Variants in CHCHD6 observed in about 807,000 individuals in gnomAD.
CHCHD6 encodes MICOS complex subunit MIC25.
A neutral mutation model predicts 32.3 loss-of-function variants in CHCHD6; 28 were observed. That is an observed-to-expected ratio of 0.87 (90% CI 0.64 to 1.19). The LOEUF is 1.19. CHCHD6 is among the 50% of genes most tolerant of loss of function. The pLI, the probability that CHCHD6 is intolerant of heterozygous loss-of-function variation, is 0.00. For missense variants in CHCHD6, 333 were observed against 307.0 expected (o/e 1.08, Z -0.63); for synonymous variants, 122 against 117.5 (o/e 1.04, Z -0.25).
intron 5 of CHCHD6, among the ~76,000 whole-genome samples, chr3:126,904,190 C>T (rs1396817000): frequency 6.6e-6 from 1 of 152,186 alleles, no homozygotes; most frequent in African/African-American, 2.4e-5. Flanking sequence ...TACAGAGCTG[C>T]CTTTCACCCC....
At chr3:126,934,290 TATGA>T (rs1419761724) in intron 6 of CHCHD6, among the ~76,000 whole-genome samples, 4 of 152,218 alleles carry the variant, frequency 2.6e-5, no homozygotes, top group Non-Finnish European at 5.9e-5. Context: ...CAGACTTTTC[TATGA>T]TAACAGTTGT....
At chr3:126,840,379 A>G (rs890107406) in intron 4 of CHCHD6, among the ~76,000 whole-genome samples, 1 of 152,238 alleles carries the variant, frequency 6.6e-6, no homozygotes, top group Non-Finnish European at 1.5e-5. Flanking sequence ...AAAGGGTTTT[A>G]TGATATGTGA....
chr3:126,805,821 C>T (rs913027409), intron 4 of CHCHD6, among the ~76,000 whole-genome samples: 3 of 148,474 alleles, frequency 2.0e-5, no homozygotes, highest in Non-Finnish European at 3.0e-5. Context: ...GCTACAGTAA[C>T]CAAAACAGCA....
intron 4 of CHCHD6, among the ~76,000 whole-genome samples, chr3:126,795,721 T>C (rs10934792): frequency 0.45 from 67,756 of 151,956 alleles, 16,362 homozygotes; most frequent in African/African-American, 0.64. Flanking sequence ...TGACCCTCAG[T>C]ATTACCTGGT....
chr3:126,942,799 T>C (rs2078579512), intron 6 of CHCHD6, among the ~76,000 whole-genome samples: 1 of 152,166 alleles, frequency 6.6e-6, no homozygotes, highest in Non-Finnish European at 1.5e-5. Context: ...TGCTTCTAGG[T>C]GCTCTCAGTG....
chr3:126,745,291 G>A (rs563884100), intron 4 of CHCHD6, among the ~76,000 whole-genome samples: 5 of 152,214 alleles, frequency 3.3e-5, no homozygotes, highest in African/African-American at 9.7e-5. Flanking sequence ...TCCGGACTCT[G>A]TTACACCTGG....
chr3:126,878,116 T>C lies in CHCHD6; in HGVS notation c.495+25386T>C, dbSNP rs1381985142. Among the ~76,000 whole-genome samples the C allele has an allele frequency of 2.6e-5, 4 of 152,242 alleles. No individual in the cohort carries two copies. In the East Asian group the frequency reaches 7.7e-4, roughly 29 times the overall value. ...CTGTAGGGGACAGAAGGTGCAAAAATGGAATGGAGGAAGAAAGAGCCTTGT... is the reference window on the plus strand; with the variant it reads ...CTGTAGGGGACAGAAGGTGCAAAAACGGAATGGAGGAAGAAAGAGCCTTGT... On this transcript the variant is annotated intron_variant, in intron 5 of 7. Coordinates refer to ENST00000290913, the MANE Select transcript of CHCHD6 (RefSeq NM_032343.3).
chr3:126,843,154 C>T (rs541839875), intron 4 of CHCHD6, among the ~76,000 whole-genome samples: 1 of 152,132 alleles, frequency 6.6e-6, no homozygotes, highest in East Asian at 1.9e-4. Context: ...TTGTCAAATG[C>T]TTTTCTTACA....
At chr3:126,805,674 C>CT (rs1372858469) in intron 4 of CHCHD6, among the ~76,000 whole-genome samples, 1 of 152,166 alleles carries the variant, frequency 6.6e-6, no homozygotes. Flanking sequence ...CTACCAATGA[C>CT]TTTTTTCACA....
chr3:126,733,342 T>G (rs1181424063), intron 4 of CHCHD6, 120 bp downstream of exon 4: 1 of 941,370 alleles, frequency 1.1e-6, no homozygotes, highest in Non-Finnish European at 1.6e-6. Context: ...CCCTGGGATG[T>G]GCTCGGCTTC....
intron 4 of CHCHD6, among the ~76,000 whole-genome samples, chr3:126,791,043 T>A (rs966582229): frequency 2.6e-5 from 4 of 152,224 alleles, no homozygotes; most frequent in African/African-American, 9.7e-5. Flanking sequence ...CTTCTAACAG[T>A]CAGGGTCCTC....
intron 6 of CHCHD6, among the ~76,000 whole-genome samples, chr3:126,920,995 G>A (rs1369433310): frequency 6.6e-6 from 1 of 152,020 alleles, no homozygotes; most frequent in Non-Finnish European, 1.5e-5. Flanking sequence ...AAGAGCATAG[G>A]CCTTTCACAA....
intron 6 of CHCHD6, among the ~76,000 whole-genome samples, chr3:126,942,079 C>A (rs1220199304): frequency 6.6e-6 from 1 of 152,220 alleles, no homozygotes; most frequent in African/African-American, 2.4e-5. Flanking sequence ...AGCCCCAGCC[C>A]TGGCCCACCT....
chr3:126,735,351 G>T (rs536328328), intron 4 of CHCHD6, among the ~76,000 whole-genome samples: 1 of 152,238 alleles, frequency 6.6e-6, no homozygotes, highest in African/African-American at 2.4e-5. Flanking sequence ...CAGGTCTCTA[G>T]ATGGATAATA....
intron 6 of CHCHD6, among the ~76,000 whole-genome samples, chr3:126,933,226 C>T (rs529103821): frequency 6.6e-6 from 1 of 152,244 alleles, no homozygotes; most frequent in African/African-American, 2.4e-5. Flanking sequence ...GGTACAACCT[C>T]CCCTTATACT....
chr3:126,897,279 T>A (rs1297862105), intron 5 of CHCHD6, among the ~76,000 whole-genome samples: 2 of 152,266 alleles, frequency 1.3e-5, no homozygotes, highest in East Asian at 3.9e-4. Flanking sequence ...CTAAGTACTA[T>A]GACCATGGAC....
chr3:126,759,235 C>T (rs1937077730), intron 4 of CHCHD6, among the ~76,000 whole-genome samples: 1 of 152,260 alleles, frequency 6.6e-6, no homozygotes, highest in Non-Finnish European at 1.5e-5. Flanking sequence ...TCAGGCCTCA[C>T]TCTACCTGTA....
chr3:126,708,136 T>C (rs895205904), intron 1 of CHCHD6, among the ~76,000 whole-genome samples: 1 of 152,248 alleles, frequency 6.6e-6, no homozygotes, highest in Non-Finnish European at 1.5e-5. Flanking sequence ...GACTGTGGCC[T>C]GAGCCAGCCC....
At chr3:126,862,243 A>G (rs1392057755) in intron 5 of CHCHD6, among the ~76,000 whole-genome samples, 3 of 68,908 alleles carry the variant, frequency 4.4e-5, no homozygotes, top group African/African-American at 2.1e-4. Context: ...CTCCATCACC[A>G]CCTCCTCCTC....
Sources: allele counts gnomAD v4.1 joint callset (sites outside exome capture counted in the v4.1 genomes callset), GRCh38; gene constraint gnomAD v4.1.1; transcripts MANE v1.5; gene names NCBI Gene and HGNC (gene_info 2026-07-23, HGNC 2026-07-21).